Variants in PIK3C2G observed in about 807,000 individuals in gnomAD.
PIK3C2G encodes phosphatidylinositol-4-phosphate 3-kinase catalytic subunit type 2 gamma.
Under a neutral mutation model 181.1 loss-of-function variants are expected in PIK3C2G, and 168 were observed. The observed-to-expected ratio is 0.93, with a 90% CI of 0.82 to 1.05. The LOEUF (loss-of-function observed/expected upper bound fraction) is 1.05. PIK3C2G is among the 50% of genes least tolerant of loss of function. The pLI is 0.00. For synonymous variants in PIK3C2G, 573 were observed against 592.2 expected, an observed-to-expected ratio of 0.97 and a Z score of 0.47; for missense variants, 1,869 against 1,732.8, an observed-to-expected ratio of 1.08 and a Z score of -1.40.
intron 31 of PIK3C2G, among the ~76,000 whole-genome samples, chr12:18,612,544 A>G (rs1319679622): frequency 6.6e-6 from 1 of 152,150 alleles, no homozygotes; most frequent in Non-Finnish European, 1.5e-5. Flanking sequence ...AAATCATCAC[A>G]GCAAAGTTAT....
At chr12:18,346,899 A>G (rs1939719919) in intron 11 of PIK3C2G, 63 bp downstream of exon 11, 4 of 1,090,114 alleles carry the variant, frequency 3.7e-6, no homozygotes, top group Non-Finnish European at 5.2e-6. Context: ...GTAGAATGCA[A>G]TTTGTCATGT....
chr12:18,467,401 A>G (rs1938005105), intron 18 of PIK3C2G, among the ~76,000 whole-genome samples: 1 of 151,930 alleles, frequency 6.6e-6, no homozygotes, highest in African/African-American at 2.4e-5. Flanking sequence ...ATTTTTATCT[A>G]CAATTGGTTT....
chr12:18,391,029 C>A (rs1164607642), intron 14 of PIK3C2G, 93 bp from the exon 15 acceptor site: 2 of 825,232 alleles, frequency 2.4e-6, no homozygotes, highest in Non-Finnish European at 1.7e-6. Flanking sequence ...TTATTCTGTT[C>A]TTTAGTTTCT....
Position 18,371,211 on chromosome 12 carries a change from C to A in PIK3C2G, c.1780C>A (p.Pro594Thr). Residue 594 changes from proline (P) to threonine (T), a missense_variant, in exon 13 of 33, where the codon CCA (proline) becomes ACA (threonine). Coordinates refer to ENST00000538779, the MANE Select transcript of PIK3C2G (RefSeq NM_001288772.2). ...INFPLEIKSL[P>T]RESMLTVKLF... ...TTTTCCCCTTGAAATAAAGTCACTT[C>A]CAAGGGAATCCATGCTCACTGTAAA... The A allele has an allele frequency of 6.2e-7, 1 of 1,610,816 alleles. No individual in the cohort carries two copies. Among genetic ancestry groups the A allele is most frequent in the Non-Finnish European group, 8.5e-7 (1 of 1,177,988 alleles).
rs1941808608 is a variant in PIK3C2G, at chr12:18,368,614, A to G, written c.1749-2566A>G. Among the ~76,000 whole-genome samples, 3 of 152,204 alleles carry G rather than the reference A, an allele frequency of 2.0e-5. No individual in the cohort carries two copies. In the South Asian group the frequency reaches 6.2e-4, roughly 32 times the overall value. Reference sequence around the variant, plus strand: ...TAAAAATATCTGTCGTAATCTAGAAACTAGAATTCGTCTTTAATTCTTTAT... The same window carrying G: ...TAAAAATATCTGTCGTAATCTAGAAGCTAGAATTCGTCTTTAATTCTTTAT... On this transcript the variant is annotated intron_variant, in intron 12 of 32. Transcript: ENST00000538779.
intron 5 of PIK3C2G, among the ~76,000 whole-genome samples, chr12:18,309,270 T>G (rs1409997441): frequency 6.6e-6 from 1 of 151,862 alleles, no homozygotes; most frequent in Admixed American, 6.6e-5. Flanking sequence ...GTCCATTGGA[T>G]TCTGCAGATC....
intron 18 of PIK3C2G, among the ~76,000 whole-genome samples, chr12:18,479,145 A>T (rs1939309843): frequency 6.6e-6 from 1 of 151,962 alleles, no homozygotes; most frequent in Non-Finnish European, 1.5e-5. Flanking sequence ...ATACATACAT[A>T]TACACACACA....
intron 26 of PIK3C2G, 122 bp downstream of exon 26, chr12:18,546,554 T>C: frequency 1.6e-6 from 1 of 632,250 alleles, no homozygotes; most frequent in South Asian, 1.9e-5. Flanking sequence ...TAGAACAAGC[T>C]TGTGTTCCCT....
chr12:18,343,485 A>G (rs1012152478), intron 10 of PIK3C2G, 125 bp downstream of exon 10: 1 of 477,354 alleles, frequency 2.1e-6, no homozygotes, highest in Non-Finnish European at 3.8e-6. Flanking sequence ...ACACACACAC[A>G]CACACACGAG....
At chr12:18,427,367 C>T (rs7980686) in intron 18 of PIK3C2G, among the ~76,000 whole-genome samples, 33,029 of 150,662 alleles carry the variant, frequency 0.22, 3,694 homozygotes, top group Middle Eastern at 0.31. Context: ...ATTAGCCGGG[C>T]CTGGTGGCGG....
At chr12:18,363,928 G>A (rs1941454620) in intron 12 of PIK3C2G, among the ~76,000 whole-genome samples, 1 of 151,994 alleles carries the variant, frequency 6.6e-6, no homozygotes, top group African/African-American at 2.4e-5. Flanking sequence ...CCTTCTTTGG[G>A]TAAGGTTCTT....
Position 18,401,283 on chromosome 12 carries a change from T to C in PIK3C2G, c.2315+1436T>C, listed in dbSNP as rs372656236. 9.9e-5 allele frequency among the ~76,000 whole-genome samples: 15 copies of C among 152,284 alleles called. No individual in the cohort carries two copies. The East Asian group carries it at 1.5e-3, about 16-fold the overall frequency. On this transcript the variant is annotated intron_variant, in intron 16 of 32. Coordinates refer to ENST00000538779, the MANE Select transcript of PIK3C2G (RefSeq NM_001288772.2). ...TTATTATTTATTTCCTACATGACTT[T>C]GTGCAGTTGCATTAGTTAATAAAAT...
chr12:18,420,981 T>C lies in PIK3C2G; in HGVS notation c.2356T>C (p.Leu786=). The C allele has an allele frequency of 1.9e-6, 3 of 1,606,504 alleles. No individual in the cohort carries two copies. The highest frequency in any genetic ancestry group is 1.7e-6 in the Non-Finnish European group (2 of 1,173,592). ...QEIRKVAVQQ[L]DNLLNDELLE... is the part of the protein sequence containing the mutation. ...AATTCGTAAAGTGGCAGTTCAACAA[T>C]TAGACAACCTCTTGAATGATGAACT... Residue 786 remains leucine (L), a synonymous_variant, in exon 17 of 33, where the codon TTA becomes CTA. Coordinates refer to ENST00000538779, the MANE Select transcript of PIK3C2G (RefSeq NM_001288772.2).
chr12:18,483,601 C>T (rs1339793959), intron 18 of PIK3C2G, among the ~76,000 whole-genome samples: 1 of 151,718 alleles, frequency 6.6e-6, no homozygotes, highest in African/African-American at 2.4e-5. Context: ...GACTATTCAT[C>T]TAATTCACCA....
intron 16 of PIK3C2G, among the ~76,000 whole-genome samples, chr12:18,412,914 C>A (rs1232194247): frequency 2.0e-5 from 3 of 152,114 alleles, no homozygotes; most frequent in Non-Finnish European, 4.4e-5. Flanking sequence ...CAACTTAATC[C>A]TTTGCTTGGC....
chr12:18,522,087 A>T (rs1942959302), intron 24 of PIK3C2G, among the ~76,000 whole-genome samples: 1 of 152,318 alleles, frequency 6.6e-6, no homozygotes, highest in Middle Eastern at 3.4e-3. Context: ...CTCAGTTCTA[A>T]TGACAGAACC....
chr12:18,579,554 T>TCA (rs1389772903), intron 29 of PIK3C2G, among the ~76,000 whole-genome samples: 1 of 152,064 alleles, frequency 6.6e-6, no homozygotes, highest in East Asian at 1.9e-4. Context: ...TGTCTGTCTC[T>TCA]CTCTCTCTCT....
chr12:18,628,250 G>C (rs1340034675), intron 31 of PIK3C2G, among the ~76,000 whole-genome samples: 1 of 152,018 alleles, frequency 6.6e-6, no homozygotes, highest in Non-Finnish European at 1.5e-5. Context: ...TTATTACTAT[G>C]AGTGCAAAAT....
At chr12:18,593,347 G>C (rs546654223) in intron 29 of PIK3C2G, among the ~76,000 whole-genome samples, 1 of 152,008 alleles carries the variant, frequency 6.6e-6, no homozygotes, top group African/African-American at 2.4e-5. Flanking sequence ...CGGATGGAAA[G>C]CTGTGTGTCT....
Sources: gnomAD v4.1 joint callset for allele counts (sites outside exome capture counted in the v4.1 genomes callset) on GRCh38, gnomAD v4.1.1 for gene constraint, MANE v1.5 for transcripts, NCBI Gene and HGNC (gene_info 2026-07-23, HGNC 2026-07-21) for gene names.